The following ANO4 variants were observed in gnomAD, a reference collection of about 807,000 sequenced individuals.
ANO4 encodes anoctamin 4, also known as anoctamin-4.
In ANO4, 69 loss-of-function variants were observed where a neutral mutation model predicts 141.9. The observed-to-expected ratio is 0.49, with a 90% CI of 0.40 to 0.59. The LOEUF is 0.59. Among genes scored for constraint, ANO4 ranks in the 20% least tolerant of loss-of-function variants. The probability of loss-of-function intolerance (pLI) is 0.00; values close to 1 mark genes in which losing one functional copy is unlikely to be tolerated. For missense variants in ANO4, 894 were observed against 1,162.2 expected (o/e 0.77, Z 3.36); for synonymous variants, 350 against 394.3 (o/e 0.89, Z 1.33).
intron 9 of ANO4, among the ~76,000 whole-genome samples, chr12:101,030,446 C>T (rs1351831438): frequency 6.6e-6 from 1 of 152,046 alleles, no homozygotes; most frequent in Non-Finnish European, 1.5e-5. Flanking sequence ...AAAGAGACAA[C>T]ATACCAGAAT....
At chr12:101,030,933 G>A (rs2046949382) in intron 9 of ANO4, among the ~76,000 whole-genome samples, 1 of 152,138 alleles carries the variant, frequency 6.6e-6, no homozygotes, top group South Asian at 2.1e-4. Context: ...TGAAATTGAG[G>A]CAGTAATTAG....
chr12:100,973,306 A>G (rs1344899640), intron 6 of ANO4, among the ~76,000 whole-genome samples: 4 of 152,220 alleles, frequency 2.6e-5, no homozygotes, highest in Non-Finnish European at 5.9e-5. Flanking sequence ...CTACTACATC[A>G]TTTCAACAAA....
At position 100,885,240 on chromosome 12, in the gene ANO4, A is replaced by G. The variant is rs566629906; in HGVS notation, c.-140-16406A>G. On this transcript the variant is annotated intron_variant, in intron 1 of 27. Coordinates refer to ENST00000392977, the MANE Select transcript of ANO4 (RefSeq NM_001286615.2). ...GTAAGGTGACATATTCACAGGTTCC[A>G]GAGATGAAGAGTTGGGCATTTTAGC... 5.3e-5 allele frequency among the ~76,000 whole-genome samples: 8 copies of G among 152,238 alleles called. No individual in the cohort carries two copies. In the South Asian group the frequency reaches 1.4e-3, roughly 28 times the overall value.
At chr12:100,750,723 C>G (rs2032335960) in intron 3 of ANO4, among the ~76,000 whole-genome samples, 2 of 152,116 alleles carry the variant, frequency 1.3e-5, no homozygotes, top group Admixed American at 1.3e-4. Context: ...TGCCCTGTTA[C>G]AGGAATATTA....
intron 8 of ANO4, among the ~76,000 whole-genome samples, chr12:100,987,978 C>T (rs543448306): frequency 6.6e-6 from 1 of 152,310 alleles, no homozygotes; most frequent in East Asian, 1.9e-4. Context: ...TGCCAACTCC[C>T]TGTGCACGGA....
intron 2 of ANO4, among the ~76,000 whole-genome samples, chr12:100,911,876 T>C (rs1056461677): frequency 7.2e-5 from 11 of 152,314 alleles, no homozygotes; most frequent in African/African-American, 2.6e-4. Flanking sequence ...GATAAATATA[T>C]GACCAATCTT....
intron 14 of ANO4, among the ~76,000 whole-genome samples, chr12:101,075,716 A>T (rs868154310): frequency 7.0e-6 from 1 of 142,720 alleles, no homozygotes; most frequent in Non-Finnish European, 1.6e-5. Context: ...ATATAAAACA[A>T]ATATATATAT....
chr12:100,770,021 G>T (rs145699875), intron 3 of ANO4, among the ~76,000 whole-genome samples: 1 of 152,296 alleles, frequency 6.6e-6, no homozygotes, highest in East Asian at 1.9e-4. Context: ...TCATTATGCA[G>T]ACAGCAATAA....
intron 1 of ANO4, among the ~76,000 whole-genome samples, chr12:100,844,689 A>T (rs1156591392): frequency 6.6e-6 from 1 of 151,982 alleles, no homozygotes; most frequent in Admixed American, 6.6e-5. Context: ...GGCTTTTTGG[A>T]GAGGATAGAT....
At chr12:100,951,809 C>T (rs563636521) in intron 5 of ANO4, among the ~76,000 whole-genome samples, 1 of 152,276 alleles carries the variant, frequency 6.6e-6, no homozygotes, top group African/African-American at 2.4e-5. Flanking sequence ...AATTCATCTC[C>T]AGGGTTTTTC....
chr12:101,086,508 C>G, intron 16 of ANO4, 152 bp from the exon 17 acceptor site: 1 of 773,882 alleles, frequency 1.3e-6, no homozygotes, highest in Non-Finnish European at 2.1e-6. Context: ...AAGTATTAAC[C>G]ACAATGAAAA....
At chr12:100,884,022 A>T (rs759104586) in intron 1 of ANO4, among the ~76,000 whole-genome samples, 28 of 152,218 alleles carry the variant, frequency 1.8e-4, no homozygotes, top group Admixed American at 7.2e-4. Context: ...ATTAGTCAAG[A>T]TCAGCTTTAT....
intron 8 of ANO4, among the ~76,000 whole-genome samples, chr12:101,019,389 C>T (rs1381664698): frequency 1.3e-5 from 2 of 152,098 alleles, no homozygotes; most frequent in Non-Finnish European, 2.9e-5. Context: ...TGCGCACACA[C>T]ACATACACAC....
At chr12:100,765,354 A>C (rs1036678336) in intron 3 of ANO4, among the ~76,000 whole-genome samples, 1 of 146,228 alleles carries the variant, frequency 6.8e-6, no homozygotes, top group Non-Finnish European at 1.5e-5. Context: ...ATGATTTGTC[A>C]GTTCTGTTTA....
chr12:100,902,797 T>G (rs2040656923), intron 2 of ANO4, among the ~76,000 whole-genome samples: 1 of 152,236 alleles, frequency 6.6e-6, no homozygotes, highest in Non-Finnish European at 1.5e-5. Flanking sequence ...CATTCCCCAC[T>G]TTCCTCCAGT....
chr12:101,000,510 C>T (rs570420987), intron 8 of ANO4, among the ~76,000 whole-genome samples: 4 of 152,212 alleles, frequency 2.6e-5, no homozygotes, highest in East Asian at 1.9e-4. Context: ...GATTGATTTA[C>T]GTAGGATTAA....
In ANO4 at chr12:100,922,242, G is replaced by T. The variant is rs2041665171; in HGVS notation, c.72G>T (p.Leu24Phe). Residue 24 changes from leucine to phenylalanine, a missense_variant, in exon 3 of 28, where the codon TTG (leucine) becomes TTT (phenylalanine). Physicochemically the swap from Leu to Phe is conservative, Grantham distance 22. Around this residue, in one of 2 missense-constraint regions of ANO4, gnomAD observed 257 missense variants for 253.0 expected, o/e 1.02. Coordinates refer to ENST00000392977, the MANE Select transcript of ANO4 (RefSeq NM_001286615.2). ...TTTCTCTAGAAGGAGGTGTGGATTTGCAAGGCTACCAGCTGGATATGCAAA... is the reference window on the plus strand; with the variant it reads ...TTTCTCTAGAAGGAGGTGTGGATTTTCAAGGCTACCAGCTGGATATGCAAA... ...KVFHPEGGVDLQGYQLDMQIL... is the reference protein window; with the variant it reads ...KVFHPEGGVDFQGYQLDMQIL... 2 of 1,531,642 alleles carry T rather than the reference G, an allele frequency of 1.3e-6. No individual in the cohort carries two copies. The highest frequency in any genetic ancestry group is 1.2e-5 in the South Asian group (1 of 83,378). The allele number at this position is 1,531,642 out of a possible 1,614,324, so 94.9% of individuals were successfully genotyped here. A position where few individuals can be genotyped will look rare whatever the true frequency, so the allele number is the denominator to read the frequency against.
At chr12:100,982,601 T>C (rs561543867) in intron 7 of ANO4, among the ~76,000 whole-genome samples, 1 of 152,348 alleles carries the variant, frequency 6.6e-6, no homozygotes, top group East Asian at 1.9e-4. Context: ...GAGCCCTTTG[T>C]GCATCCAAGG....
chr12:100,897,111 C>CGATAA (rs2136011936), intron 1 of ANO4, among the ~76,000 whole-genome samples: 1 of 152,314 alleles, frequency 6.6e-6, no homozygotes, highest in Admixed American at 6.5e-5. Context: ...CTCACCTTAT[C>CGATAA]CCCCAAGGTG....
Sources: gnomAD v4.1 joint callset for allele counts (sites outside exome capture counted in the v4.1 genomes callset) on GRCh38, gnomAD v4.1.1 for gene constraint, gnomAD v4.1.1 regional missense constraint, MANE v1.5 for transcripts, NCBI Gene and HGNC (gene_info 2026-07-23, HGNC 2026-07-21) for gene names.